Variants in SDAD1 observed in about 807,000 individuals in gnomAD.
SDAD1 encodes the protein SDA1 domain containing 1, also known as protein SDA1 homolog.
SDAD1 carries 79 observed loss-of-function variants against 100.3 expected under a neutral mutation model. The ratio of observed to expected loss-of-function variants is 0.79; its 90% CI spans 0.66 to 0.95. SDAD1 has a LOEUF of 0.95. SDAD1 is among the 40% of genes least tolerant of loss of function. SDAD1 has a pLI of 0.00. For synonymous variants in SDAD1, 267 were observed against 271.4 expected (o/e 0.98, Z 0.16); for missense variants, 790 against 810.9 (o/e 0.97, Z 0.31).
Position 75,957,535 on chromosome 4 carries a change from G to GGGCTA in SDAD1, c.1751_1752insTAGCC (p.Asp586ProfsTer31). 1 of 1,614,036 alleles carries GGGCTA rather than the reference G, an allele frequency of 6.2e-7. No individual in the cohort carries two copies. The highest frequency in any genetic ancestry group is 8.5e-7 in the Non-Finnish European group (1 of 1,179,994). ...CATTTTACCTGGGCTCTTCATCACT[G>GGGCTA]TCTATTTCAATGTATTTCCTCTTCT... is the stretch of plus-strand genomic sequence containing the variant. On this transcript the variant is annotated frameshift_variant, in exon 19 of 22. Coordinates refer to ENST00000356260, the MANE Select transcript of SDAD1 (RefSeq NM_018115.4). LOFTEE classifies it high-confidence loss of function.
intron 21 of SDAD1, among the ~76,000 whole-genome samples, chr4:75,952,036 C>G (rs1213108240): frequency 1.3e-5 from 2 of 152,186 alleles, no homozygotes; most frequent in Non-Finnish European, 2.9e-5. Flanking sequence ...TTGCCTTTAA[C>G]TCACACCTGG....
At chr4:75,958,678 T>C (rs1729044571) in intron 17 of SDAD1, among the ~76,000 whole-genome samples, 2 of 152,260 alleles carry the variant, frequency 1.3e-5, no homozygotes, top group South Asian at 2.1e-4. Flanking sequence ...TCCTACATTC[T>C]AATAGTTAGT....
chr4:75,959,000 A>G (rs1200731580), intron 17 of SDAD1, among the ~76,000 whole-genome samples: 1 of 141,376 alleles, frequency 7.1e-6, no homozygotes, highest in African/African-American at 2.6e-5. Context: ...CGGGAGGCTG[A>G]GGTAGGAGAA....
intron 8 of SDAD1, 106 bp downstream of exon 8, chr4:75,973,211 G>T: frequency 2.4e-6 from 2 of 841,830 alleles, no homozygotes; most frequent in Non-Finnish European, 3.9e-6. Flanking sequence ...ACAGGGCAAA[G>T]GTGTCATCTA....
At position 75,970,314 on chromosome 4, in the gene SDAD1, G is replaced by C; in HGVS notation, c.878C>G (p.Pro293Arg). The change falls in exon 10 of 22, where the codon CCC becomes CGC. Residue 293 changes from proline (P) to arginine (R), a missense_variant. By Grantham distance (103) the Pro-to-Arg change is moderately radical. Transcript: ENST00000356260. ...NFSAIHLIHD[P>R]QDFAEKLLKQ... ...CGGACGTCATAATAACGTACCTTGG[G>C]GATCATGAATCAAGTGAATGGCTGA... The C allele has an allele frequency of 6.2e-7, 1 of 1,613,110 alleles. No individual in the cohort carries two copies. Among genetic ancestry groups the C allele is most frequent in the Non-Finnish European group, 8.5e-7 (1 of 1,179,186 alleles).
Position 75,961,047 on chromosome 4 carries a change from ATC to A in SDAD1, c.1335_1336del (p.Gln445HisfsTer9). 1 of 1,613,966 alleles carries A rather than the reference ATC, an allele frequency of 6.2e-7. No individual in the cohort carries two copies. The highest frequency in any genetic ancestry group is 8.5e-7 in the Non-Finnish European group (1 of 1,179,964). ...ACCTACCCGGAATTTCTTCTGCAGCATCTGAGGATTCAGTGTTCGGAAGAGGT... is the reference window on the plus strand; with the variant it reads ...ACCTACCCGGAATTTCTTCTGCAGCATGAGGATTCAGTGTTCGGAAGAGGT... On this transcript the variant is annotated frameshift_variant, in exon 16 of 22. Coordinates refer to ENST00000356260, the MANE Select transcript of SDAD1 (RefSeq NM_018115.4). LOFTEE classifies it high-confidence loss of function.
chr4:75,984,962 C>CT (rs1174638086), intron 1 of SDAD1, among the ~76,000 whole-genome samples: 4 of 152,108 alleles, frequency 2.6e-5, no homozygotes, highest in African/African-American at 9.7e-5. Context: ...AACTGCCAGG[C>CT]TTTTTCTAAG....
intron 1 of SDAD1, among the ~76,000 whole-genome samples, chr4:75,986,487 C>G (rs1257491657): frequency 6.6e-6 from 1 of 151,886 alleles, no homozygotes; most frequent in Admixed American, 6.5e-5. Context: ...ATTTAACCAC[C>G]TATCTTCTCC....
At chr4:75,968,574 C>T (rs1421368048) in intron 11 of SDAD1, among the ~76,000 whole-genome samples, 1 of 151,976 alleles carries the variant, frequency 6.6e-6, no homozygotes, top group Non-Finnish European at 1.5e-5. Flanking sequence ...ACTCTTGCAA[C>T]TAACATTTGT....
rs1729213177 is a variant in SDAD1, at chr4:75,961,246, T to C, written c.1244A>G (p.Gln415Arg). 6.2e-7 allele frequency: 1 copy of C among 1,614,084 alleles called. No individual in the cohort carries two copies. The highest frequency in any genetic ancestry group is 1.1e-5 in the South Asian group (1 of 91,086). The part of the protein sequence containing the change: ...CPLAMTEELL[Q>R]DLAQYKTHKD... ...GTGTGTTTTATACTGAGCCAGGTCT[T>C]GGAGAAGTTCTTCAGTCATGGCCAG... Residue 415 changes from glutamine (Q) to arginine (R), a missense_variant, in exon 15 of 22, where the codon CAA becomes CGA. Coordinates refer to ENST00000356260, the MANE Select transcript of SDAD1 (RefSeq NM_018115.4).
In SDAD1 at chr4:75,964,220, G is replaced by T; in HGVS notation, c.1105-9C>A. ...AGCAATGATTGAATAATCTGAATTG[G>T]AAACAAAAAAGAGATGGGTGCTGAT... On this transcript the variant is annotated splice_polypyrimidine_tract_variant and intron_variant, in intron 13 of 21. Transcript: ENST00000356260. The T allele has an allele frequency of 1.3e-6, 2 of 1,586,598 alleles. No individual in the cohort carries two copies. Among genetic ancestry groups the T allele is most frequent in the South Asian group, 1.1e-5 (1 of 88,504 alleles).
At chr4:75,977,805 G>C (rs1450097241) in intron 3 of SDAD1, 49 bp from the exon 4 acceptor site, 2 of 1,140,478 alleles carry the variant, frequency 1.8e-6, no homozygotes, top group South Asian at 2.6e-5. Flanking sequence ...AGTTAACAAG[G>C]TGAGAAAATA....
chr4:75,982,151 A>G (rs2149329483), intron 1 of SDAD1, 114 bp from the exon 2 acceptor site: 1 of 630,368 alleles, frequency 1.6e-6, no homozygotes, highest in East Asian at 2.9e-5. Context: ...GGAGAAAAAG[A>G]TAATGCAAAA....
chr4:75,959,884 A>ATAAGTTC (rs1221099757), intron 17 of SDAD1, among the ~76,000 whole-genome samples, 182 bp downstream of exon 17: 2 of 152,220 alleles, frequency 1.3e-5, no homozygotes. Context: ...ATGCTAGAAC[A>ATAAGTTC]TAAGTTCCGC....
chr4:75,962,313 G>A (rs1729290817), intron 14 of SDAD1, among the ~76,000 whole-genome samples: 1 of 152,180 alleles, frequency 6.6e-6, no homozygotes, highest in South Asian at 2.1e-4. Context: ...GGACATTTGG[G>A]TTGGTTCCAA....
At position 75,973,208 on chromosome 4, in the gene SDAD1, AAAGGTGTCATCT is replaced by A; in HGVS notation, c.711+97_711+108del. 2.4e-6 allele frequency: 2 copies of A among 826,964 alleles called. 1 individual carries two copies. Among genetic ancestry groups the A allele is most frequent in the Non-Finnish European group, 4.0e-6 (2 of 496,336 alleles). The allele number at this position is 826,964 out of a possible 1,614,324, so 51.2% of individuals were successfully genotyped here. ...GCATGGCAGAATTCAATAACAGGGC[AAAGGTGTCATCT>A]AAGTTTCTTTCTAACTTCAGCAGTC... On this transcript the variant is annotated intron_variant, in intron 8 of 21. Transcript: ENST00000356260.
intron 21 of SDAD1, among the ~76,000 whole-genome samples, chr4:75,953,522 T>C (rs1728724649): frequency 6.6e-6 from 1 of 152,220 alleles, no homozygotes; most frequent in Admixed American, 6.5e-5. Flanking sequence ...AGTGGCACCT[T>C]TCCTTTCACC....
intron 14 of SDAD1, among the ~76,000 whole-genome samples, chr4:75,962,006 G>A (rs1020674163): frequency 1.1e-4 from 16 of 152,054 alleles, no homozygotes; most frequent in Admixed American, 2.0e-4. Context: ...CCATTAACTC[G>A]TCATTAACAT....
In SDAD1 at chr4:75,970,305, G is replaced by T; in HGVS notation, c.883+4C>A. On this transcript the variant is annotated splice_donor_region_variant and intron_variant, in intron 10 of 21. Transcript: ENST00000356260. Reference sequence around the variant, plus strand: ...CAAGGAACTCGGACGTCATAATAACGTACCTTGGGGATCATGAATCAAGTG... The same window carrying T: ...CAAGGAACTCGGACGTCATAATAACTTACCTTGGGGATCATGAATCAAGTG... 2 of 1,611,422 alleles carry T rather than the reference G, an allele frequency of 1.2e-6. No homozygotes were observed. The highest frequency in any genetic ancestry group is 1.7e-6 in the Non-Finnish European group (2 of 1,177,798).
Sources: gnomAD v4.1 joint callset for allele counts (sites outside exome capture counted in the v4.1 genomes callset) on GRCh38, gnomAD v4.1.1 for gene constraint, MANE v1.5 for transcripts, NCBI Gene and HGNC (gene_info 2026-07-23, HGNC 2026-07-21) for gene names.